Variants in NTMT1 observed in about 807,000 individuals in gnomAD.
NTMT1 encodes N-terminal Xaa-Pro-Lys N-methyltransferase 1.
Under a neutral mutation model 17.5 loss-of-function variants are expected in NTMT1, and 8 were observed. The observed-to-expected ratio is 0.46, with a 90% CI of 0.27 to 0.82. NTMT1 has a LOEUF of 0.82. Among genes scored for constraint, NTMT1 ranks in the 40% least tolerant of loss-of-function variants. The pLI is 0.15. For synonymous variants in NTMT1, 128 were observed against 126.8 expected (o/e 1.01, Z -0.06); for missense variants, 221 against 303.5 (o/e 0.73, Z 2.02).
At position 129,614,415 on chromosome 9, in the gene NTMT1, G is replaced by A. The variant is rs1169022181; in HGVS notation, c.-55+5237G>A. Among the ~76,000 whole-genome samples the A allele has an allele frequency of 1.3e-5, 2 of 152,208 alleles. No individual in the cohort carries two copies. The highest frequency in any genetic ancestry group is 2.9e-5 in the Non-Finnish European group (2 of 68,036). On this transcript the variant is annotated intron_variant, in intron 1 of 3. Coordinates refer to the NTMT1 transcript ENST00000372486. This position sits in a 1 kb window ranked among gnomAD's most constrained non-coding sequence, Gnocchi z 4.4. ...AGGGCATCGCCCACAGCTAGACCTT[G>A]AGGCAGACATTTCCTGAAACTGCAC...
chr9:129,623,823 CTTTTCTTTTTT>C (rs1830814281), upstream of NTMT1, among the ~76,000 whole-genome samples: 1 of 107,832 alleles, frequency 9.3e-6, no homozygotes, highest in African/African-American at 3.6e-5. Context: ...TTTTTCTTTT[CTTTTCTTTTTT>C]TTTTTTTTGG....
chr9:129,631,184 G>A (rs571373196), intron 1 of NTMT1, among the ~76,000 whole-genome samples: 6 of 152,374 alleles, frequency 3.9e-5, no homozygotes, highest in Admixed American at 3.9e-4. Context: ...CCTATCTGCT[G>A]TTGGGAGGAG....
At chr9:129,618,874 T>G (rs1468704370) in intron 1 of NTMT1, among the ~76,000 whole-genome samples, 17 of 150,138 alleles carry the variant, frequency 1.1e-4, no homozygotes, top group Admixed American at 2.6e-4. Flanking sequence ...TTGTGTTTTT[T>G]TTTTTTTTTT....
upstream of NTMT1, chr9:129,626,011 C>A (rs1830870148): frequency 7.8e-6 from 1 of 128,254 alleles, no homozygotes; most frequent in African/African-American, 3.0e-5. Flanking sequence ...GATTCTATCT[C>A]AAAAAAAAAA....
At position 129,613,019 on chromosome 9, in the gene NTMT1, C is replaced by T. The variant is rs1830163540; in HGVS notation, c.-55+3841C>T. 2 of 1,549,194 alleles carry T rather than the reference C, an allele frequency of 1.3e-6. No individual in the cohort carries two copies. The highest frequency in any genetic ancestry group is 1.8e-6 in the Non-Finnish European group (2 of 1,142,266). The stretch of plus-strand genomic sequence containing the variant: ...AGGGAGGGTCCACTCCCAGCCCCAG[C>T]CACTCCACCAAACAGGGCTGCTCCC... On this transcript the variant is annotated intron_variant, in intron 1 of 3. Transcript: ENST00000372486. The surrounding 1 kb of genome is among the most constrained non-coding windows in gnomAD (Gnocchi z 6.2).
At chr9:129,627,035 C>G (rs1343815648) in intron 1 of NTMT1, among the ~76,000 whole-genome samples, 1 of 152,212 alleles carries the variant, frequency 6.6e-6, no homozygotes, top group East Asian at 1.9e-4. Context: ...TGGGAGGAAC[C>G]AGGGCTGGTA....
Position 129,613,748 on chromosome 9 carries a change from G to A in NTMT1, c.-55+4570G>A, listed in dbSNP as rs1242755984. ...CCAGCGCCTTCTGGCTGCCTCCAGA[G>A]AAGCCTTGGGTTTTAAAACCACCTT... On this transcript the variant is annotated intron_variant, in intron 1 of 3. Transcript: ENST00000372486. This position sits in a 1 kb window ranked among gnomAD's most constrained non-coding sequence, Gnocchi z 6.2. 3.1e-6 allele frequency: 3 copies of A among 966,894 alleles called. No homozygotes were observed. The highest frequency in any genetic ancestry group is 3.0e-6 in the Non-Finnish European group (2 of 660,042). The allele number at this position is 966,894 out of a possible 1,614,324, so 59.9% of individuals were successfully genotyped here.
At chr9:129,631,612 G>A (rs921080649) in intron 1 of NTMT1, among the ~76,000 whole-genome samples, 27 of 152,222 alleles carry the variant, frequency 1.8e-4, no homozygotes, top group African/African-American at 6.5e-4. Flanking sequence ...TGGGCCTCAG[G>A]GTGGTTGACT....
intron 1 of NTMT1, among the ~76,000 whole-genome samples, chr9:129,628,094 C>T (rs868180497): frequency 6.6e-6 from 1 of 152,194 alleles, no homozygotes; most frequent in Non-Finnish European, 1.5e-5. Flanking sequence ...CACACAAAGC[C>T]CGTGTGCTCC....
chr9:129,635,273 GGCATCATCGTCATC>G lies in NTMT1; in HGVS notation c.482_495del (p.Gly161GlufsTer23), dbSNP rs1564351148. ...CTGCAAGGGCAGCCTCCGCCCCAAC[GGCATCATCGTCATC>G]AAAGACAACATGGCCCAGGAGGGCG... On this transcript the variant is annotated frameshift_variant, in exon 4 of 4. Transcript: ENST00000372483. LOFTEE classifies it high-confidence loss of function. The G allele has an allele frequency of 1.5e-5, 25 of 1,613,514 alleles. No homozygotes were observed. Among genetic ancestry groups the G allele is most frequent in the Non-Finnish European group, 2.1e-5 (25 of 1,180,018 alleles).
At position 129,613,514 on chromosome 9, in the gene NTMT1, C is replaced by G; in HGVS notation, c.-55+4336C>G. 1.2e-6 allele frequency: 2 copies of G among 1,614,168 alleles called. No homozygotes were observed. The highest frequency in any genetic ancestry group is 1.7e-6 in the Non-Finnish European group (2 of 1,180,020). ...GGGTACAGGGCTTTGGGCAAACTCT[C>G]CAGCCGTTTTCCGACACTCCCAAAC... On this transcript the variant is annotated intron_variant, in intron 1 of 3. Coordinates refer to the NTMT1 transcript ENST00000372486. This position sits in a 1 kb window ranked among gnomAD's most constrained non-coding sequence, Gnocchi z 6.2.
intron 2 of NTMT1, chr9:129,633,332 G>A: frequency 7.4e-6 from 2 of 269,886 alleles, no homozygotes; most frequent in Non-Finnish European, 6.9e-6. Context: ...TGGCACTGGA[G>A]GCTGCTGTTG....
intron 1 of NTMT1, among the ~76,000 whole-genome samples, chr9:129,631,775 C>T (rs547549408): frequency 6.6e-6 from 1 of 152,348 alleles, no homozygotes; most frequent in Non-Finnish European, 1.5e-5. Context: ...TTTCAGCTTA[C>T]GCGTCCCCTC....
chr9:129,610,300 G>GCCC (rs578072587), intron 1 of NTMT1, among the ~76,000 whole-genome samples: 1,964 of 120,488 alleles, frequency 0.016, 71 homozygotes, highest in African/African-American at 0.039. Flanking sequence ...TGCAGGCCCC[G>GCCC]CCCCCCCCCC....
At chr9:129,611,294 C>G (rs1830109412) in intron 1 of NTMT1, among the ~76,000 whole-genome samples, 1 of 152,214 alleles carries the variant, frequency 6.6e-6, no homozygotes, top group Non-Finnish European at 1.5e-5. Flanking sequence ...CTGGGGGCCA[C>G]TGACAGCTTC....
chr9:129,619,377 A>T, intron 1 of NTMT1: 1 of 679,524 alleles, frequency 1.5e-6, no homozygotes. Context: ...AGAAGATCTG[A>T]TTCACGGACA....
At position 129,620,433 on chromosome 9, in the gene NTMT1, C is replaced by T; in HGVS notation, c.-55+11255C>T. On this transcript the variant is annotated intron_variant, in intron 1 of 3. Coordinates refer to the NTMT1 transcript ENST00000372486. This position sits in a 1 kb window ranked among gnomAD's most constrained non-coding sequence, Gnocchi z 5.8. ...CCCGGGATCCTCCAGTCCCCGGAGC[C>T]CCGCGCGCCCAGAGCCGCTCGGAGC... is the stretch of plus-strand genomic sequence containing the variant. The T allele has an allele frequency of 1.6e-6, 2 of 1,267,598 alleles. No individual in the cohort carries two copies. Among genetic ancestry groups the T allele is most frequent in the Non-Finnish European group, 2.0e-6 (2 of 1,006,534 alleles). The allele number at this position is 1,267,598 out of a possible 1,614,324, so 78.5% of individuals were successfully genotyped here.
At chr9:129,619,371 G>A in intron 1 of NTMT1, 1 of 667,290 alleles carries the variant, frequency 1.5e-6, no homozygotes, top group Non-Finnish European at 2.6e-6. Context: ...GTTGGTAGAA[G>A]ATCTGATTCA....
chr9:129,612,466 C>T (rs1400454258), intron 1 of NTMT1: 3 of 1,606,346 alleles, frequency 1.9e-6, no homozygotes, highest in African/African-American at 2.7e-5. Context: ...TAGAGTGAGA[C>T]AGAGGACCAG....
Sources: allele counts gnomAD v4.1 joint callset (sites outside exome capture counted in the v4.1 genomes callset), GRCh38; gene constraint gnomAD v4.1.1; non-coding constraint Gnocchi (gnomAD v3.1); transcripts MANE v1.5; gene names NCBI Gene and HGNC (gene_info 2026-07-23, HGNC 2026-07-21).